TTN: variants seen among roughly 807,000 people sequenced by gnomAD.
The protein encoded by TTN is connectin.
A neutral mutation model predicts 3,223.0 loss-of-function variants in TTN; 1,525 were observed. That is an observed-to-expected ratio of 0.47 (90% confidence interval 0.45 to 0.49). TTN has a LOEUF of 0.49. Ranked by LOEUF, TTN falls within the 20% of genes least tolerant of loss-of-function variation. TTN has a pLI of 0.00. For missense variants in TTN, 40,786 were observed against 43,424.0 expected (o/e 0.94, Z 5.40); for synonymous variants, 14,094 against 15,161.0 (o/e 0.93, Z 5.17).
chr2:178,784,176 T>TG lies in TTN; in HGVS notation c.2668_2669insC (p.Tyr890SerfsTer4). 2 of 1,614,140 alleles carry TG rather than the reference T, an allele frequency of 1.2e-6. No homozygotes were observed. The highest frequency in any genetic ancestry group is 8.5e-7 in the Non-Finnish European group (1 of 1,179,988). On this transcript the variant is annotated frameshift_variant, in exon 16 of 363. Transcript: ENST00000589042. LOFTEE classifies it high-confidence loss of function. The stretch of plus-strand genomic sequence containing the variant: ...CACCTCAACGCCAGCTTCACTCTTG[T>TG]AAGTATCTGGTGTGTCAGCGAAGGG...
chr2:178,744,488 A>T, intron 47 of TTN: 1 of 856,566 alleles, frequency 1.2e-6, no homozygotes, highest in Non-Finnish European at 1.4e-6. Context: ...ATGTTAATTT[A>T]CTGTTATTTT....
At chr2:178,674,792 A>G (rs1424091964) in intron 150 of TTN, among the ~76,000 whole-genome samples, 1 of 151,750 alleles carries the variant, frequency 6.6e-6, no homozygotes, top group Non-Finnish European at 1.5e-5. Context: ...CACAGCAAAT[A>G]CAGTTTCCCT....
rs1296238597 is a variant in TTN, at chr2:178,727,810, T to C, written c.19768A>G (p.Thr6590Ala). ...TTTAGTATTGCCTTAAATTCCACTG[T>C]AGAATCAGGTATGGCTTGCTGTCGC... is the stretch of plus-strand genomic sequence containing the variant. ...PGRQQAIPDS[T>A]VEFKAILKGT... The change falls in exon 68 of 363, where the codon ACA (threonine) becomes GCA (alanine). Residue 6590 changes from threonine (T) to alanine (A), a missense_variant. By Grantham distance (58) the Thr-to-Ala change is moderately conservative. Transcript: ENST00000589042. 6.2e-7 allele frequency: 1 copy of C among 1,612,242 alleles called. No individual in the cohort carries two copies. The highest frequency in any genetic ancestry group is 1.1e-5 in the South Asian group (1 of 90,716).
At position 178,612,762 on chromosome 2, in the gene TTN, G is replaced by C. The variant is rs2154200615; in HGVS notation, c.49948+11C>G. Reference sequence around the variant, plus strand: ...AGAATTTATATATCCCAGACATCAAGAGTGACTTACATAGCTTCTCCCGGC... The same window carrying C: ...AGAATTTATATATCCCAGACATCAACAGTGACTTACATAGCTTCTCCCGGC... On this transcript the variant is annotated intron_variant, in intron 265 of 362. Coordinates refer to ENST00000589042, the MANE Select transcript of TTN (RefSeq NM_001267550.2). 5 of 1,602,190 alleles carry C rather than the reference G, an allele frequency of 3.1e-6. No homozygotes were observed. The highest frequency in any genetic ancestry group is 4.3e-6 in the Non-Finnish European group (5 of 1,176,010).
In TTN at chr2:178,581,566, G is replaced by A. The variant is rs371802557; in HGVS notation, c.66702C>T (p.Ala22234=). The change falls in exon 316 of 363, where the codon GCC becomes GCT. Residue 22234 remains alanine, a synonymous_variant. Coordinates refer to ENST00000589042, the MANE Select transcript of TTN (RefSeq NM_001267550.2). ...GGTCACTGTATCCAATCTTATTAACGGCATACACACGGAATTGATATTGTG... is the reference window on the plus strand; with the variant it reads ...GGTCACTGTATCCAATCTTATTAACAGCATACACACGGAATTGATATTGTG... The part of the protein sequence containing the change: ...EDTQYQFRVY[A]VNKIGYSDPS... 7.8e-4 allele frequency: 1,251 copies of A among 1,612,350 alleles called. 8 individuals carry two copies. Among genetic ancestry groups the A allele is most frequent in the South Asian group, 4.7e-4 (43 of 90,996 alleles).
chr2:178,737,895 G>T, intron 49 of TTN, 187 bp downstream of exon 49: 2 of 608,698 alleles, frequency 3.3e-6, no homozygotes, highest in African/African-American at 1.8e-5. Flanking sequence ...GTCAGTAGTA[G>T]AAATGTGACT....
chr2:178,666,493 A>G (rs2065951903), intron 163 of TTN, among the ~76,000 whole-genome samples: 2 of 152,168 alleles, frequency 1.3e-5, no homozygotes, highest in Non-Finnish European at 2.9e-5. Flanking sequence ...TTGTAGAGAT[A>G]TTACAGATCA....
rs199663911 is a variant in TTN, at chr2:178,530,023, A to T, written c.106468T>A (p.Tyr35490Asn). The T allele has an allele frequency of 6.2e-7, 1 of 1,610,070 alleles. No homozygotes were observed. Among genetic ancestry groups the T allele is most frequent in the East Asian group, 2.2e-5 (1 of 44,770 alleles). Residue 35490 changes from tyrosine (Y) to asparagine (N), a missense_variant, in exon 359 of 363, where the codon TAT (tyrosine) becomes AAT (asparagine). By Grantham distance (143) the Tyr-to-Asn change is moderately radical. Coordinates refer to ENST00000589042, the MANE Select transcript of TTN (RefSeq NM_001267550.2). ...HKTDTSDSGL[Y>N]TCTVKNSAGS... The stretch of plus-strand genomic sequence containing the variant: ...GCTGAATTTTTTACTGTACAAGTAT[A>T]AAGTCCACTGTCAGAAGTATCAGTC...
Position 178,768,868 on chromosome 2 carries a change from C to T in TTN, c.8968G>A (p.Val2990Met), listed in dbSNP as rs746946974. ...GAGATGCCTTCATAGTTCACTGTCA[C>T]CTCAAAAGTAATAGTGTCTTTTTCT... ...AEEKDTITFE[V>M]TVNYEGISYK... Residue 2990 changes from valine to methionine, a missense_variant, in exon 38 of 363, where the codon GTG becomes ATG. Transcript: ENST00000589042. 3.1e-6 allele frequency: 5 copies of T among 1,614,004 alleles called. No homozygotes were observed. Among genetic ancestry groups the T allele is most frequent in the Non-Finnish European group, 4.2e-6 (5 of 1,179,994 alleles).
chr2:178,537,045 T>G lies in TTN; in HGVS notation c.100064A>C (p.Asn33355Thr). The G allele has an allele frequency of 6.2e-7, 1 of 1,613,164 alleles. No homozygotes were observed. The highest frequency in any genetic ancestry group is 8.5e-7 in the Non-Finnish European group (1 of 1,179,524). Residue 33355 changes from asparagine (N) to threonine (T), a missense_variant, in exon 356 of 363, where the codon AAC becomes ACC. Coordinates refer to ENST00000589042, the MANE Select transcript of TTN (RefSeq NM_001267550.2). ...GTAATAGCCAGCATTTTCTGTGAGG[T>G]TCACAATTCTACAGGTTGTCACTGA... is the stretch of plus-strand genomic sequence containing the variant. ...AISVTTCRIV[N>T]LTENAGYYFR...
Position 178,677,247 on chromosome 2 carries a change from G to T in TTN, c.34332C>A (p.Val11444=). ...VPKKPVPEKK[V]PVPAPKKVEP... is the part of the protein sequence containing the mutation. The stretch of plus-strand genomic sequence containing the variant: ...CCACTTTTTTAGGGGCGGGAACAGG[G>T]ACTTTCTTCTCTGGTACAGGTTTCT... The change falls in exon 147 of 363, where the codon GTC becomes GTA. Residue 11444 remains valine (V), a synonymous_variant. Transcript: ENST00000589042. 1 of 1,220,734 alleles carries T rather than the reference G, an allele frequency of 8.2e-7. No individual in the cohort carries two copies. The highest frequency in any genetic ancestry group is 1.0e-6 in the Non-Finnish European group (1 of 982,166). 75.6% of individuals were successfully genotyped at this position (1,220,734 alleles called of 1,614,324 possible). A position where few individuals can be genotyped will look rare whatever the true frequency, so the allele number is the denominator to read the frequency against.
rs530568481 is a variant in TTN, at chr2:178,735,001, T to C, written c.14936-13A>G. ...AAGGATGGTGGCTCTACATGAAGTT[T>C]ACAAAAAAGAAAAAGGAGAAGATAT... On this transcript the variant is annotated splice_polypyrimidine_tract_variant and intron_variant, in intron 50 of 362. Coordinates refer to ENST00000589042, the MANE Select transcript of TTN (RefSeq NM_001267550.2). 1.3e-6 allele frequency: 2 copies of C among 1,519,374 alleles called. No individual in the cohort carries two copies. The highest frequency in any genetic ancestry group is 2.5e-5 in the South Asian group (2 of 78,686). 94.1% of individuals were successfully genotyped at this position (1,519,374 alleles called of 1,614,324 possible).
In TTN at chr2:178,548,774, C is replaced by T; in HGVS notation, c.92852G>A (p.Gly30951Asp). 6.2e-7 allele frequency: 1 copy of T among 1,613,212 alleles called. No individual in the cohort carries two copies. Among genetic ancestry groups the T allele is most frequent in the Non-Finnish European group, 8.5e-7 (1 of 1,179,776 alleles). ...ASIRLFIAYQGRPTPTAVWSK... is the reference protein window; with the variant it reads ...ASIRLFIAYQDRPTPTAVWSK... ...CCACACAGCTGTAGGAGTAGGTCTA[C>T]CTTGGTAGGCAATGAAGAGGCGAAT... is the stretch of plus-strand genomic sequence containing the variant. The change falls in exon 339 of 363, where the codon GGT becomes GAT. Residue 30951 changes from glycine (G) to aspartate (D), a missense_variant. Coordinates refer to ENST00000589042, the MANE Select transcript of TTN (RefSeq NM_001267550.2). The surrounding 1 kb of genome is among the most constrained non-coding windows in gnomAD (Gnocchi z 4.3).
chr2:178,767,723 G>A, intron 40 of TTN, 36 bp downstream of exon 40: 6 of 1,610,416 alleles, frequency 3.7e-6, no homozygotes, highest in Non-Finnish European at 4.2e-6. Flanking sequence ...ATGGACTACT[G>A]ATGATTTTTC....
In TTN at chr2:178,718,774, T is replaced by C. The variant is rs1302977156; in HGVS notation, c.24426A>G (p.Pro8142=). ...GGCAAGAATAGTCTCCACTTTCTAATGGCTGCACCTCAAACAACTCCAGTT... is the reference window on the plus strand; with the variant it reads ...GGCAAGAATAGTCTCCACTTTCTAACGGCTGCACCTCAAACAACTCCAGTT... ...VTELELFEVQ[P]LESGDYSCLV... is the part of the protein sequence containing the mutation. Residue 8142 remains proline, a synonymous_variant, in exon 84 of 363, where the codon CCA becomes CCG. Transcript: ENST00000589042. 1 of 1,613,814 alleles carries C rather than the reference T, an allele frequency of 6.2e-7. No individual in the cohort carries two copies.
At chr2:178,794,877 A>G (rs2154356119) in intron 7 of TTN, 45 bp downstream of exon 7, 1 of 1,593,164 alleles carries the variant, frequency 6.3e-7, no homozygotes, top group East Asian at 2.2e-5. Flanking sequence ...CAGTTGGAGA[A>G]ACTAGAATGT....
chr2:178,750,853 T>C, intron 47 of TTN: 2 of 1,613,128 alleles, frequency 1.2e-6, no homozygotes, highest in Non-Finnish European at 1.7e-6. Context: ...TGGATGACTC[T>C]CCAATTGTAG....
chr2:178,734,780 G>C lies in TTN; in HGVS notation c.15144C>G (p.Asp5048Glu), dbSNP rs371699709. 15 of 1,613,670 alleles carry C rather than the reference G, an allele frequency of 9.3e-6. No individual in the cohort carries two copies. The highest frequency in any genetic ancestry group is 1.3e-5 in the Non-Finnish European group (15 of 1,179,756). The change falls in exon 51 of 363, where the codon GAC (aspartate) becomes GAG (glutamate). Residue 5048 changes from aspartate to glutamate, a missense_variant. Coordinates refer to ENST00000589042, the MANE Select transcript of TTN (RefSeq NM_001267550.2). ...CTGCTTCACATGAGTAACTCCCACT[G>C]TCTTCAACTTTTACATCCGTAATAT... ...ILDITDVKVE[D>E]SGSYSCEAVN...
At chr2:178,693,839 G>T (rs181821077) in intron 118 of TTN, 83 bp downstream of exon 118, 2 of 1,307,012 alleles carry the variant, frequency 1.5e-6, no homozygotes, top group East Asian at 2.4e-5. Flanking sequence ...ATGTCTACAC[G>T]ATCACAAATT....
Sources: allele counts gnomAD v4.1 joint callset (sites outside exome capture counted in the v4.1 genomes callset), GRCh38; gene constraint gnomAD v4.1.1; non-coding constraint Gnocchi (gnomAD v3.1); transcripts MANE v1.5; gene names NCBI Gene and HGNC (gene_info 2026-07-23, HGNC 2026-07-21).